HK3: variants seen among roughly 807,000 people sequenced by gnomAD.
HK3 encodes the protein hexokinase-3.
Under a neutral mutation model 91.0 loss-of-function variants are expected in HK3, and 93 were observed. The ratio of observed to expected loss-of-function variants is 1.02; its 90% CI spans 0.86 to 1.21. The LOEUF (loss-of-function observed/expected upper bound fraction) is 1.21, where lower values mean the gene tolerates loss of function less well. Ranked by LOEUF, HK3 falls within the 50% of genes most tolerant of loss-of-function variation. The pLI is 0.00. For missense variants in HK3, 1,235 were observed against 1,247.4 expected, an observed-to-expected ratio of 0.99 and a Z score of 0.15; for synonymous variants, 519 against 516.9, an observed-to-expected ratio of 1.00 and a Z score of -0.06.
At chr5:176,893,192 C>T (rs369313964) in intron 2 of HK3, among the ~76,000 whole-genome samples, 3 of 151,984 alleles carry the variant, frequency 2.0e-5, no homozygotes, top group Non-Finnish European at 4.4e-5. Flanking sequence ...ATCTGCAGGG[C>T]CAAGCAGCTG....
intron 1 of HK3, among the ~76,000 whole-genome samples, chr5:176,896,577 A>C (rs563442898): frequency 3.9e-5 from 6 of 152,362 alleles, no homozygotes; most frequent in Non-Finnish European, 8.8e-5. Context: ...AGATGGCCAC[A>C]TGTAATAGAT....
chr5:176,897,728 G>C (rs6861925), intron 1 of HK3, among the ~76,000 whole-genome samples: 87,140 of 151,952 alleles, frequency 0.57, 26,795 homozygotes, highest in African/African-American at 0.81. Context: ...AGTAATTTCT[G>C]TTCCTTCAGA....
chr5:176,896,163 C>A lies in HK3; in HGVS notation c.-4G>T. The A allele has an allele frequency of 6.3e-7, 1 of 1,596,268 alleles. No homozygotes were observed. Among genetic ancestry groups the A allele is most frequent in the Non-Finnish European group, 8.5e-7 (1 of 1,171,888 alleles). On this transcript the variant is annotated 5_prime_UTR_variant, in exon 2 of 19. Transcript: ENST00000292432. The stretch of plus-strand genomic sequence containing the variant: ...CTGAAGACCCAATGGAGTCCATGAG[C>A]TTCCACAGTGGAAGGTGGCCACCTA...
In HK3 at chr5:176,890,709, TG is replaced by T; in HGVS notation, c.555del (p.Gly187ValfsTer16). On this transcript the variant is annotated frameshift_variant, in exon 6 of 19. Transcript: ENST00000292432. LOFTEE classifies it high-confidence loss of function. Reference protein sequence around the residue: ...GLDRSTLISWTKGFRCSGVEG... With the variant: ...GLDRSTLISWXKGFRCSGVEG... ...TCCACACCACTGCACCTAAAACCTT[TG>T]GTCCAGGAAATGAGGGTGCTCTGGA... 6.2e-7 allele frequency: 1 copy of T among 1,614,182 alleles called. No homozygotes were observed. Among genetic ancestry groups the T allele is most frequent in the South Asian group, 1.1e-5 (1 of 91,080 alleles).
chr5:176,898,589 A>G (rs895237031), intron 1 of HK3, among the ~76,000 whole-genome samples: 2 of 152,240 alleles, frequency 1.3e-5, no homozygotes, highest in Non-Finnish European at 1.5e-5. Context: ...TTTACATGAC[A>G]GAATCTGTGA....
chr5:176,891,075 C>T lies in HK3; in HGVS notation c.376G>A (p.Val126Met), dbSNP rs775128871. 1.2e-6 allele frequency: 2 copies of T among 1,614,132 alleles called. No homozygotes were observed. Among genetic ancestry groups the T allele is most frequent in the Admixed American group, 3.3e-5 (2 of 60,030 alleles). ...HRVEPRSQEF[V>M]IPQEVMLGAG... ...CCCAGCATCACCTCTTGGGGGATCA[C>T]AAACTCCTGGCTTCTGGGCTCCACC... The change falls in exon 4 of 19, where the codon GTG (valine) becomes ATG (methionine). Residue 126 changes from valine to methionine, a missense_variant. This residue lies in a region of HK3 where 717 missense variants were observed against 751.6 expected (regional missense o/e 0.95). Transcript: ENST00000292432.
rs759805673 is a variant in HK3 at position 176,887,697 on chromosome 5, C to A, written c.1354G>T (p.Asp452Tyr). 6.2e-7 allele frequency: 1 copy of A among 1,613,224 alleles called. No homozygotes were observed. Among genetic ancestry groups the A allele is most frequent in the Non-Finnish European group, 8.5e-7 (1 of 1,179,368 alleles). Residue 452 changes from aspartate (D) to tyrosine (Y), a missense_variant, in exon 11 of 19, where the codon GAT (aspartate) becomes TAT (tyrosine). Physicochemically the swap from Asp to Tyr is radical, Grantham distance 160 (BLOSUM62 -3). Transcript: ENST00000292432. This position sits in a 1 kb window ranked among gnomAD's most constrained non-coding sequence, Gnocchi z 4.9. ...TCCACAGAGGGGATTAAGGAGACATCGCATTCCGGGGCCAGGAGCATCACT... is the reference window on the plus strand; with the variant it reads ...TCCACAGAGGGGATTAAGGAGACATAGCATTCCGGGGCCAGGAGCATCACT... ...GTVMLLAPEC[D>Y]VSLIPSVDGG...
rs1273074428 is a variant in HK3 at position 176,881,687 on chromosome 5, G to A, written c.2393+5C>T. 2 of 1,614,020 alleles carry A rather than the reference G, an allele frequency of 1.2e-6. No individual in the cohort carries two copies. Among genetic ancestry groups the A allele is most frequent in the South Asian group, 1.1e-5 (1 of 91,088 alleles). On this transcript the variant is annotated splice_donor_5th_base_variant and intron_variant, in intron 17 of 18. Transcript: ENST00000292432. The stretch of plus-strand genomic sequence containing the variant: ...AGTGGGGGAGGCAATGTAGGCCTCA[G>A]GCACCTTTCGATCTCAGAGAGGAAC...
rs781023861 is a variant in HK3 at position 176,887,741 on chromosome 5, C to T, written c.1310G>A (p.Cys437Tyr). ...GRVCERHPRF[C>Y]SVLQGTVMLL... ...CATCACTGTCCCCTGCAGGACGCTG[C>T]AGAACCTACAGATACATACAGGTGC... The change falls in exon 11 of 19, where the codon TGC (cysteine) becomes TAC (tyrosine). Residue 437 changes from cysteine (C) to tyrosine (Y), a missense_variant. This residue lies in a region of HK3 where 717 missense variants were observed against 751.6 expected (regional missense o/e 0.95). Transcript: ENST00000292432. This position sits in a 1 kb window ranked among gnomAD's most constrained non-coding sequence, Gnocchi z 4.9. The T allele has an allele frequency of 6.2e-7, 1 of 1,604,854 alleles. No individual in the cohort carries two copies. Among genetic ancestry groups the T allele is most frequent in the East Asian group, 2.2e-5 (1 of 44,652 alleles).
chr5:176,883,923 C>A, intron 14 of HK3, 54 bp from the exon 15 acceptor site: 1 of 1,589,080 alleles, frequency 6.3e-7, no homozygotes, highest in Admixed American at 1.7e-5. Context: ...TCACAGCAAC[C>A]AGCACTGGAC....
rs148264728 is a variant in HK3, at chr5:176,883,963, C to G, written c.1953+76G>C. 2.4e-4 allele frequency: 380 copies of G among 1,584,684 alleles called. 3 individuals carry two copies. In the East Asian group the frequency reaches 6.7e-3, roughly 28 times the overall value. On this transcript the variant is annotated intron_variant, in intron 14 of 18. Transcript: ENST00000292432. ...AGGTCTCTACCGCAGAGGGCTCCCC[C>G]CTCAGAAAGTAGGAGACTCTTTGCT...
At chr5:176,890,204 C>T (rs548988822) in intron 6 of HK3, among the ~76,000 whole-genome samples, 34 of 152,276 alleles carry the variant, frequency 2.2e-4, no homozygotes, top group East Asian at 1.7e-3. Flanking sequence ...CTAGATCATC[C>T]GCCCCAGCCC....
Position 176,890,300 on chromosome 5 carries a change from C to T in HK3, c.630+335G>A, listed in dbSNP as rs149047495. On this transcript the variant is annotated intron_variant, in intron 6 of 18. Coordinates refer to ENST00000292432, the MANE Select transcript of HK3 (RefSeq NM_002115.3). ...TCCTCCGTAGTGCTCCCAGAGTTGT[C>T]CACGCACTCCTCCTTGACACGGACA... Among the ~76,000 whole-genome samples the T allele has an allele frequency of 2.5e-3, 386 of 152,340 alleles. 1 individual carries two copies. The highest frequency in any genetic ancestry group is 4.8e-3 in the Non-Finnish European group (326 of 68,028).
chr5:176,888,883 G>T lies in HK3; in HGVS notation c.915-19C>A. On this transcript the variant is annotated intron_variant, in intron 8 of 18. Coordinates refer to ENST00000292432, the MANE Select transcript of HK3 (RefSeq NM_002115.3). ...CTCAAACCTGCAGGGGGGAAGGGTG[G>T]CTGGAGGAAGCCTTTTCTAAGCCCT... 1.2e-6 allele frequency: 2 copies of T among 1,607,204 alleles called. No homozygotes were observed. The highest frequency in any genetic ancestry group is 1.7e-6 in the Non-Finnish European group (2 of 1,175,762).
At chr5:176,894,492 A>G (rs1205173121) in intron 2 of HK3, among the ~76,000 whole-genome samples, 1 of 152,214 alleles carries the variant, frequency 6.6e-6, no homozygotes, top group Non-Finnish European at 1.5e-5. Context: ...AGGAGATGAC[A>G]GCAGGCCCTA....
chr5:176,881,594 C>T, intron 17 of HK3, 59 bp from the exon 18 acceptor site: 1 of 1,584,404 alleles, frequency 6.3e-7, no homozygotes, highest in South Asian at 1.1e-5. Flanking sequence ...CCCACTTCAT[C>T]CTCCAGAGCA....
chr5:176,893,141 G>A (rs1430890713), intron 2 of HK3, among the ~76,000 whole-genome samples: 1 of 152,204 alleles, frequency 6.6e-6, no homozygotes, highest in Non-Finnish European at 1.5e-5. Flanking sequence ...AGCTGCCCAA[G>A]TGTTAGAAAT....
rs185799074 is a variant in HK3, at chr5:176,889,445, C to T, written c.850G>A (p.Gly284Arg). 68 of 1,614,180 alleles carry T rather than the reference C, an allele frequency of 4.2e-5. No homozygotes were observed. Among genetic ancestry groups the T allele is most frequent in the Admixed American group, 6.7e-5 (4 of 60,026 alleles). ...TGGTCGAAGGTGGTCAGCACTGGTC[C>T]CAGCGCCCCATCATCGCTGAAGGAG... Reference protein sequence around the residue: ...WGSFSDDGALGPVLTTFDHTL... With the variant: ...WGSFSDDGALRPVLTTFDHTL... Residue 284 changes from glycine (G) to arginine (R), a missense_variant, in exon 8 of 19, where the codon GGA (glycine) becomes AGA (arginine). Gly to Arg is a moderately radical substitution (Grantham distance 125). Transcript: ENST00000292432.
In HK3 at chr5:176,888,510, G is replaced by T; in HGVS notation, c.1126C>A (p.Pro376Thr). ...ACAAGCTCAACATCCGAAGCCCCAG[G>T]GCTCAGGCCCAAGTCCTGCAGGATA... Reference protein sequence around the residue: ...HAILQDLGLSPGASDVELVQH... With the variant: ...HAILQDLGLSTGASDVELVQH... Residue 376 changes from proline to threonine, a missense_variant, in exon 10 of 19, where the codon CCT becomes ACT. Physicochemically the swap from Pro to Thr is conservative, Grantham distance 38. This residue lies in a region of HK3 where 717 missense variants were observed against 751.6 expected (regional missense o/e 0.95). Transcript: ENST00000292432. 1 of 1,554,978 alleles carries T rather than the reference G, an allele frequency of 6.4e-7. No homozygotes were observed.
Sources: allele counts gnomAD v4.1 joint callset (sites outside exome capture counted in the v4.1 genomes callset), GRCh38; gene constraint gnomAD v4.1.1; regional missense constraint gnomAD v4.1.1; non-coding constraint Gnocchi (gnomAD v3.1); transcripts MANE v1.5; gene names NCBI Gene and HGNC (gene_info 2026-07-23, HGNC 2026-07-21).